NOTCH1: variants seen among roughly 807,000 people sequenced by gnomAD.
The protein encoded by NOTCH1 is notch receptor 1.
A neutral mutation model predicts 254.8 loss-of-function variants in NOTCH1; 37 were observed. The observed-to-expected ratio is 0.15, with a 90% CI of 0.11 to 0.19. The LOEUF is 0.19. Ranked by LOEUF, NOTCH1 falls within the 10% of genes least tolerant of loss-of-function variation. The probability of loss-of-function intolerance (pLI) is 1.00; values close to 1 mark genes in which losing one functional copy is unlikely to be tolerated. For missense variants in NOTCH1, 2,972 were observed against 3,708.6 expected (o/e 0.80, Z 5.16); for synonymous variants, 1,731 against 1,618.1 (o/e 1.07, Z -1.68).
intron 19 of NOTCH1, among the ~76,000 whole-genome samples, chr9:136,508,651 G>A (rs1416441803): frequency 6.6e-6 from 1 of 152,206 alleles, no homozygotes; most frequent in East Asian, 1.9e-4. Context: ...CTGAGCTCCT[G>A]CCCCGGCTCC....
chr9:136,510,035 G>A (rs1425760990), intron 17 of NOTCH1, 74 bp from the exon 18 acceptor site: 2 of 1,410,048 alleles, frequency 1.4e-6, no homozygotes. Flanking sequence ...CGGGAAGGCT[G>A]CATGGCTGGG....
At position 136,516,106 on chromosome 9, in the gene NOTCH1, G is replaced by A. The variant is rs1554729635; in HGVS notation, c.1556-12C>T. 6.4e-7 allele frequency: 1 copy of A among 1,553,898 alleles called. No homozygotes were observed. The highest frequency in any genetic ancestry group is 8.8e-7 in the Non-Finnish European group (1 of 1,132,560). On this transcript the variant is annotated splice_polypyrimidine_tract_variant and intron_variant, in intron 9 of 33. Transcript: ENST00000651671. ...ATGCCCAGTGAAGCCTGGGGCCGGG[G>A]AGGGGAGGGGAGGGAGTCATGTGCA...
chr9:136,507,761 C>A (rs1042852648), intron 21 of NOTCH1, among the ~76,000 whole-genome samples, 194 bp downstream of exon 21: 2 of 152,186 alleles, frequency 1.3e-5, no homozygotes, highest in African/African-American at 4.8e-5. Flanking sequence ...AGTATAGGTA[C>A]CCTCCTTCAG....
chr9:136,494,585 A>G lies in NOTCH1; in HGVS notation c.*1486T>C, dbSNP rs1842889350. The G allele has an allele frequency of 2.5e-6, 1 of 398,908 alleles. No individual in the cohort carries two copies. The highest frequency in any genetic ancestry group is 4.4e-6 in the Non-Finnish European group (1 of 226,082). 24.7% of individuals were successfully genotyped at this position (398,908 alleles called of 1,614,324 possible). ...ATTTTATAAAACACAGTAAAAATCA[A>G]CATCTTGGGACGCATCTGGTCATGC... On this transcript the variant is annotated 3_prime_UTR_variant, in exon 34 of 34. Coordinates refer to ENST00000651671, the MANE Select transcript of NOTCH1 (RefSeq NM_017617.5).
intron 2 of NOTCH1, among the ~76,000 whole-genome samples, chr9:136,526,323 C>T (rs1843459182): frequency 6.6e-6 from 1 of 152,208 alleles, no homozygotes; most frequent in Admixed American, 6.5e-5. Context: ...GCCACAGCTC[C>T]CGCTTGGAGA....
chr9:136,496,685 T>C lies in NOTCH1; in HGVS notation c.7054A>G (p.Ser2352Gly), dbSNP rs1391286538. 2 of 1,612,806 alleles carry C rather than the reference T, an allele frequency of 1.2e-6. No homozygotes were observed. The highest frequency in any genetic ancestry group is 2.7e-5 in the African/African-American group (2 of 75,042). The change falls in exon 34 of 34, where the codon AGT becomes GGT. Residue 2352 changes from serine to glycine, a missense_variant. Around this residue, in one of 8 missense-constraint regions of NOTCH1, gnomAD observed 529 missense variants for 529.2 expected, o/e 1.00. Transcript: ENST00000651671. ...GACAGGGCGCTGGCAGCAAGGCTAC[T>C]GTGCAGCGGGCCTACCATGCCATGC... ...LQHGMVGPLHSSLAASALSQM... is the reference protein window; with the variant it reads ...LQHGMVGPLHGSLAASALSQM...
rs1200996550 is a variant in NOTCH1, at chr9:136,502,092, G to C, written c.5385-4C>G. ...GTCTGAAGCGTTCTTCAGGGGCCTG[G>C]GGGGTGAGGGGTCGAGAAGTGAGGC... On this transcript the variant is annotated splice_region_variant and splice_polypyrimidine_tract_variant and intron_variant, in intron 28 of 33. Transcript: ENST00000651671. 3 of 1,613,008 alleles carry C rather than the reference G, an allele frequency of 1.9e-6. No homozygotes were observed. The highest frequency in any genetic ancestry group is 1.6e-4 in the Middle Eastern group (1 of 6,062).
At chr9:136,510,422 G>C (rs1333893246) in intron 17 of NOTCH1, 4 of 613,794 alleles carry the variant, frequency 6.5e-6, no homozygotes, top group Non-Finnish European at 1.2e-5. Context: ...AGCCGTGGGA[G>C]GGGCTCTCGT....
intron 4 of NOTCH1, chr9:136,519,769 C>T (rs1843337728): frequency 1.5e-6 from 1 of 682,864 alleles, no homozygotes; most frequent in African/African-American, 1.8e-5. Flanking sequence ...ACAGGACTGG[C>T]TAAACAGGGA....
At chr9:136,504,016 A>C (rs1403788439) in intron 26 of NOTCH1, among the ~76,000 whole-genome samples, 24 of 141,760 alleles carry the variant, frequency 1.7e-4, no homozygotes, top group African/African-American at 2.7e-4. Flanking sequence ...GGGACCCCCC[A>C]CCCCCACCAG....
At position 136,531,586 on chromosome 9, in the gene NOTCH1, C is replaced by T. The variant is rs934285486; in HGVS notation, c.141-7607G>A. Among the ~76,000 whole-genome samples the T allele has an allele frequency of 2.6e-5, 4 of 152,150 alleles. No homozygotes were observed. The South Asian group carries it at 6.2e-4, about 24-fold the overall frequency. Reference sequence around the variant, plus strand: ...AGGGTGGTGGGGGCAGAGCCCTGGGCGAGAGAGACCCAGCCTCCCGCTCCC... The same window carrying T: ...AGGGTGGTGGGGGCAGAGCCCTGGGTGAGAGAGACCCAGCCTCCCGCTCCC... On this transcript the variant is annotated intron_variant, in intron 2 of 33. Transcript: ENST00000651671.
At chr9:136,526,732 C>G (rs1218621103) in intron 2 of NOTCH1, among the ~76,000 whole-genome samples, 1 of 152,234 alleles carries the variant, frequency 6.6e-6, no homozygotes, top group African/African-American at 2.4e-5. Context: ...AGAATCTGCC[C>G]AACCGGACGC....
Position 136,495,484 on chromosome 9 carries a change from A to C in NOTCH1, c.*587T>G. ...TATGCTTTCACTTGTTTCCTATTTCAGATGCAAATTAATCCGCGTGCGGAA... is the reference window on the plus strand; with the variant it reads ...TATGCTTTCACTTGTTTCCTATTTCCGATGCAAATTAATCCGCGTGCGGAA... On this transcript the variant is annotated 3_prime_UTR_variant, in exon 34 of 34. Coordinates refer to ENST00000651671, the MANE Select transcript of NOTCH1 (RefSeq NM_017617.5). The C allele has an allele frequency of 2.5e-6, 1 of 399,468 alleles. No individual in the cohort carries two copies. Among genetic ancestry groups the C allele is most frequent in the Non-Finnish European group, 4.4e-6 (1 of 226,604 alleles). The allele number at this position is 399,468 out of a possible 1,614,324, so 24.7% of individuals were successfully genotyped here.
At chr9:136,503,425 C>T (rs1589057493) in intron 26 of NOTCH1, 95 bp from the exon 27 acceptor site, 24 of 1,576,462 alleles carry the variant, frequency 1.5e-5, no homozygotes, top group East Asian at 2.3e-5. Context: ...AGGCCCATGA[C>T]GCCACAGTCA....
chr9:136,511,289 A>C lies in NOTCH1; in HGVS notation c.2468-18T>G, dbSNP rs2133355146. 1 of 1,604,334 alleles carries C rather than the reference A, an allele frequency of 6.2e-7. No individual in the cohort carries two copies. The highest frequency in any genetic ancestry group is 1.1e-5 in the South Asian group (1 of 90,612). On this transcript the variant is annotated intron_variant, in intron 15 of 33. Coordinates refer to ENST00000651671, the MANE Select transcript of NOTCH1 (RefSeq NM_017617.5). ...CGTGGCACCTGCGGGAAGGAGACAC[A>C]CGTGACCCCGGGAGCCTCACCCAGA... is the stretch of plus-strand genomic sequence containing the variant.
At chr9:136,515,028 G>A (rs1342452625) in intron 12 of NOTCH1, among the ~76,000 whole-genome samples, 1 of 152,222 alleles carries the variant, frequency 6.6e-6, no homozygotes, top group Non-Finnish European at 1.5e-5. Context: ...TGGCCTCAGG[G>A]CTGGCTGCTC....
Position 136,506,788 on chromosome 9 carries a change from C to T in NOTCH1, c.3829G>A (p.Asp1277Asn), listed in dbSNP as rs550872754. 25 of 1,611,004 alleles carry T rather than the reference C, an allele frequency of 1.6e-5. No homozygotes were observed. The highest frequency in any genetic ancestry group is 1.1e-4 in the East Asian group (5 of 44,764). ...DVNECLSNPC[D>N]ARGTQNCVQR... ...ACGCAGTTCTGGGTGCCACGGGCGT[C>T]GCAGGGATTGGACAGGCACTCGTTG... is the stretch of plus-strand genomic sequence containing the variant. Residue 1277 changes from aspartate (D) to asparagine (N), a missense_variant, in exon 23 of 34, where the codon GAC becomes AAC. Asp to Asn is a conservative substitution (Grantham distance 23). This residue lies in a region of NOTCH1 where 1,343 missense variants were observed against 1,557.0 expected (regional missense o/e 0.86). Transcript: ENST00000651671. This position sits in a 1 kb window ranked among gnomAD's most constrained non-coding sequence, Gnocchi z 4.5.
At chr9:136,500,098 G>A (rs1302902910) in intron 31 of NOTCH1, among the ~76,000 whole-genome samples, 1 of 152,166 alleles carries the variant, frequency 6.6e-6, no homozygotes, top group African/African-American at 2.4e-5. Context: ...TTCTTGCCAC[G>A]AGCTCACCGG....
chr9:136,542,665 G>C (rs1843749007), intron 2 of NOTCH1, among the ~76,000 whole-genome samples: 1 of 151,160 alleles, frequency 6.6e-6, no homozygotes, highest in Non-Finnish European at 1.5e-5. Flanking sequence ...GGGAGGGTGG[G>C]GGCCGGGGAG....
Sources: allele counts gnomAD v4.1 joint callset (sites outside exome capture counted in the v4.1 genomes callset), GRCh38; gene constraint gnomAD v4.1.1; regional missense constraint gnomAD v4.1.1; non-coding constraint Gnocchi (gnomAD v3.1); transcripts MANE v1.5; gene names NCBI Gene and HGNC (gene_info 2026-07-23, HGNC 2026-07-21).